ENOSF1: variants seen among roughly 807,000 people sequenced by gnomAD.
The protein encoded by ENOSF1 is enolase superfamily member 1.
Under a neutral mutation model 68.2 loss-of-function variants are expected in ENOSF1, and 73 were observed. The observed-to-expected ratio is 1.07, with a 90% CI of 0.89 to 1.30. The LOEUF (loss-of-function observed/expected upper bound fraction) is 1.30. Ranked by LOEUF, ENOSF1 falls within the 50% of genes most tolerant of loss-of-function variation. ENOSF1 has a pLI of 0.00. For missense variants in ENOSF1, 589 were observed against 554.5 expected, an observed-to-expected ratio of 1.06 and a Z score of -0.62; for synonymous variants, 223 against 210.4, an observed-to-expected ratio of 1.06 and a Z score of -0.52.
At chr18:681,723 A>G (rs543446310) in intron 11 of ENOSF1, among the ~76,000 whole-genome samples, 2 of 152,056 alleles carry the variant, frequency 1.3e-5, no homozygotes, top group South Asian at 2.1e-4. Flanking sequence ...CCCACACCCA[A>G]CGTTCTCCTC....
chr18:686,387 A>C, intron 9 of ENOSF1: 1 of 199,898 alleles, frequency 5.0e-6, no homozygotes, highest in South Asian at 1.1e-4. Context: ...ACTGTGATAG[A>C]CTGAATGGAA....
chr18:684,039 G>T (rs2076376586), intron 10 of ENOSF1, among the ~76,000 whole-genome samples: 1 of 151,426 alleles, frequency 6.6e-6, no homozygotes, highest in Non-Finnish European at 1.5e-5. Context: ...TGTCACCAAG[G>T]CTGGAGTGCA....
intron 2 of ENOSF1, among the ~76,000 whole-genome samples, chr18:705,963 T>C (rs1315019466): frequency 6.6e-6 from 1 of 151,988 alleles, no homozygotes; most frequent in Non-Finnish European, 1.5e-5. Context: ...GAGCTGAGAT[T>C]GTGCCACTGC....
At chr18:674,792 T>A (rs2075308097) in intron 15 of ENOSF1, among the ~76,000 whole-genome samples, 1 of 152,234 alleles carries the variant, frequency 6.6e-6, no homozygotes, top group Non-Finnish European at 1.5e-5. Flanking sequence ...AGTGTTGGGA[T>A]TACAGGCGTA....
chr18:693,740 T>C (rs2077438040), intron 5 of ENOSF1, 142 bp downstream of exon 5: 5 of 1,455,234 alleles, frequency 3.4e-6, no homozygotes, highest in Non-Finnish European at 4.5e-6. Flanking sequence ...AGGAATGTCA[T>C]ATTTTATTGG....
intron 3 of ENOSF1, among the ~76,000 whole-genome samples, chr18:695,531 ATATT>A (rs1384846898): frequency 1.3e-5 from 2 of 149,944 alleles, no homozygotes; most frequent in Non-Finnish European, 3.0e-5. Context: ...CATTCCTTTT[ATATT>A]TATTAGATTT....
In ENOSF1 at chr18:688,587, C is replaced by A. The variant is rs1314349050; in HGVS notation, c.640G>T (p.Asp214Tyr). The change falls in exon 9 of 16, where the codon GAT becomes TAT. Residue 214 changes from aspartate (D) to tyrosine (Y), a missense_variant. Asp to Tyr is a radical substitution (Grantham distance 160). Coordinates refer to ENST00000647584, the MANE Select transcript of ENOSF1 (RefSeq NM_017512.7). ...CATCACACTCACCTGGTCCAGCCAT[C>A]CTTCAGCGCCTGGGCACAGAGCTGT... ...LKQLCAQALK[D>Y]GWTRFKVKVG... is the part of the protein sequence containing the mutation. The A allele has an allele frequency of 6.2e-7, 1 of 1,614,090 alleles. No homozygotes were observed. Among genetic ancestry groups the A allele is most frequent in the South Asian group, 1.1e-5 (1 of 91,080 alleles).
In ENOSF1 at chr18:688,570, T is replaced by C; in HGVS notation, c.653+4A>G. 2 of 1,614,012 alleles carry C rather than the reference T, an allele frequency of 1.2e-6. No homozygotes were observed. The highest frequency in any genetic ancestry group is 1.7e-6 in the Non-Finnish European group (2 of 1,179,970). On this transcript the variant is annotated splice_donor_region_variant and intron_variant, in intron 9 of 15. Transcript: ENST00000647584. ...GGGAAAGTCAGGTCCATCATCACAC[T>C]CACCTGGTCCAGCCATCCTTCAGCG... is the stretch of plus-strand genomic sequence containing the variant.
In ENOSF1 at chr18:675,423, C is replaced by T. The variant is rs767049823; in HGVS notation, c.1149-21G>A. 7.5e-6 allele frequency: 12 copies of T among 1,600,794 alleles called. No individual in the cohort carries two copies. The South Asian group carries it at 7.8e-5, about 10-fold the overall frequency. ...ACACCCTAGGAGGAGGGAATCAGAT[C>T]GGGGCAATGATGCCTGAAGTCAGAT... On this transcript the variant is annotated intron_variant, in intron 14 of 15. Coordinates refer to ENST00000647584, the MANE Select transcript of ENOSF1 (RefSeq NM_017512.7).
At chr18:676,631 T>A (rs1185359328) in intron 14 of ENOSF1, among the ~76,000 whole-genome samples, 2 of 152,224 alleles carry the variant, frequency 1.3e-5, no homozygotes, top group Non-Finnish European at 2.9e-5. Flanking sequence ...GTCTCAGGTA[T>A]TTCTTTATAG....
downstream of ENOSF1, among the ~76,000 whole-genome samples, chr18:669,652 T>C (rs1490142363): frequency 1.3e-5 from 2 of 152,132 alleles, no homozygotes; most frequent in African/African-American, 4.8e-5. Flanking sequence ...TCTTAATTTG[T>C]GTATTTATAC....
chr18:704,630 G>A (rs1306959691), intron 2 of ENOSF1, among the ~76,000 whole-genome samples: 1 of 141,178 alleles, frequency 7.1e-6, no homozygotes, highest in Admixed American at 7.3e-5. Flanking sequence ...TTTTGGGATG[G>A]AGTCTCGCTT....
At chr18:694,104 C>G in intron 4 of ENOSF1, 144 bp downstream of exon 4, 1 of 1,063,974 alleles carries the variant, frequency 9.4e-7, no homozygotes. Flanking sequence ...ACTGCCAAAA[C>G]CTCTCAGAGG....
intron 10 of ENOSF1, among the ~76,000 whole-genome samples, chr18:685,128 T>C (rs1011138164): frequency 2.0e-5 from 3 of 152,166 alleles, no homozygotes; most frequent in African/African-American, 7.2e-5. Context: ...CCTCCCAAAG[T>C]GTTAGGATTA....
At chr18:678,616 A>G in intron 12 of ENOSF1, 80 bp downstream of exon 12, 1 of 1,425,550 alleles carries the variant, frequency 7.0e-7, no homozygotes, top group Non-Finnish European at 9.9e-7. Flanking sequence ...GGAGCCTAAC[A>G]CACAACTGTG....
intron 5 of ENOSF1, chr18:692,331 G>A (rs2077269431): frequency 6.6e-6 from 1 of 152,248 alleles, no homozygotes; most frequent in Non-Finnish European, 1.5e-5. Context: ...TCTGGGCCAG[G>A]TTCGGTGGCT....
chr18:682,248 G>C (rs1332875227), intron 11 of ENOSF1, among the ~76,000 whole-genome samples: 1 of 152,182 alleles, frequency 6.6e-6, no homozygotes, highest in African/African-American at 2.4e-5. Context: ...CTAGATGGTA[G>C]AGACTACTAC....
In ENOSF1 at chr18:678,672, CCACCTGTTGGGGGCGTCACT is replaced by C. The variant is rs752325582; in HGVS notation, c.918+4_918+23del. On this transcript the variant is annotated splice_donor_5th_base_variant and intron_variant, in intron 12 of 15. Transcript: ENST00000647584. The stretch of plus-strand genomic sequence containing the variant: ...TGTACTGACCCCAAGGGGACGTCAT[CCACCTGTTGGGGGCGTCACT>C]CACCTGTTCTCCTGTGGCAATGCCA... The C allele has an allele frequency of 1.2e-6, 2 of 1,613,188 alleles. No individual in the cohort carries two copies. Among genetic ancestry groups the C allele is most frequent in the Non-Finnish European group, 1.7e-6 (2 of 1,179,724 alleles).
Position 690,559 on chromosome 18 carries a change from G to A in ENOSF1, c.608C>T (p.Thr203Met), listed in dbSNP as rs147623551. The A allele has an allele frequency of 6.8e-6, 11 of 1,614,108 alleles. No homozygotes were observed. The highest frequency in any genetic ancestry group is 4.5e-5 in the East Asian group (2 of 44,788). ...GGTTAAAATGCCCACCTGCTTCAAC[G>A]TGTCATCTGAGTACCCCAGCCAGGC... ...SCAWLGYSDD[T>M]LKQLCAQALK... Residue 203 changes from threonine to methionine, a missense_variant, in exon 8 of 16, where the codon ACG (threonine) becomes ATG (methionine). By Grantham distance (81) the Thr-to-Met change is moderately conservative. Coordinates refer to ENST00000647584, the MANE Select transcript of ENOSF1 (RefSeq NM_017512.7).
Sources: allele counts gnomAD v4.1 joint callset (sites outside exome capture counted in the v4.1 genomes callset), GRCh38; gene constraint gnomAD v4.1.1; transcripts MANE v1.5; gene names NCBI Gene and HGNC (gene_info 2026-07-23, HGNC 2026-07-21).